FOCAD: variants seen among roughly 807,000 people sequenced by gnomAD.
The protein encoded by FOCAD is focadhesin.
FOCAD carries 198 observed loss-of-function variants against 225.6 expected under a neutral mutation model. The observed-to-expected ratio is 0.88, with a 90% CI of 0.78 to 0.99. FOCAD has a LOEUF of 0.99. FOCAD is among the 50% of genes least tolerant of loss of function. FOCAD has a pLI of 0.00. For missense variants in FOCAD, 2,713 were observed against 2,123.6 expected (o/e 1.28, Z -5.46); for synonymous variants, 897 against 755.0 (o/e 1.19, Z -3.08).
chr9:20,755,312 A>G (rs1284399591), intron 5 of FOCAD, among the ~76,000 whole-genome samples: 1 of 152,232 alleles, frequency 6.6e-6, no homozygotes, highest in Non-Finnish European at 1.5e-5. Flanking sequence ...GGTCTGAGAT[A>G]CTAAATAAAA....
intron 15 of FOCAD, among the ~76,000 whole-genome samples, chr9:20,837,512 AT>A (rs1826105976): frequency 6.6e-6 from 1 of 152,014 alleles, no homozygotes; most frequent in Non-Finnish European, 1.5e-5. Context: ...AGTGAATAAA[AT>A]ATACTGGTTT....
chr9:20,912,932 A>C lies in FOCAD; in HGVS notation c.2785A>C (p.Lys929Gln). Reference sequence around the variant, plus strand: ...AGAAGAACCTGAGGAGGTGCAGTACAAAAAAAGCACAGCCTGGCTCTGGTA... The same window carrying C: ...AGAAGAACCTGAGGAGGTGCAGTACCAAAAAAGCACAGCCTGGCTCTGGTA... The part of the protein sequence containing the change: ...GKEEPEEVQY[K>Q]KSTAWLWVRD... Residue 929 changes from lysine (K) to glutamine (Q), a missense_variant, in exon 23 of 44, where the codon AAA (lysine) becomes CAA (glutamine). Coordinates refer to ENST00000338382, the MANE Select transcript of FOCAD (RefSeq NM_001375567.1). 2 of 1,611,360 alleles carry C rather than the reference A, an allele frequency of 1.2e-6. No individual in the cohort carries two copies. Among genetic ancestry groups the C allele is most frequent in the East Asian group, 2.2e-5 (1 of 44,798 alleles).
rs781616821 is a variant in FOCAD at position 20,885,092 on chromosome 9, T to G, written c.2504-17T>G. ...AAAAATAAAAATAAAATAAAGTCTATATAATTTTTTTTAAAGGTGGTATGT... is the reference window on the plus strand; with the variant it reads ...AAAAATAAAAATAAAATAAAGTCTAGATAATTTTTTTTAAAGGTGGTATGT... On this transcript the variant is annotated splice_polypyrimidine_tract_variant and intron_variant, in intron 20 of 43. Transcript: ENST00000338382. 7.4e-7 allele frequency: 1 copy of G among 1,349,018 alleles called. No homozygotes were observed. Among genetic ancestry groups the G allele is most frequent in the Non-Finnish European group, 9.8e-7 (1 of 1,023,532 alleles). The allele number at this position is 1,349,018 out of a possible 1,614,324, so 83.6% of individuals were successfully genotyped here.
chr9:20,857,538 G>T (rs953559498), intron 15 of FOCAD, among the ~76,000 whole-genome samples: 2 of 151,782 alleles, frequency 1.3e-5, no homozygotes, highest in African/African-American at 4.8e-5. Flanking sequence ...CATTTGGAAA[G>T]AAAAATAATT....
At position 20,899,619 on chromosome 9, in the gene FOCAD, C is replaced by T. The variant is rs368393023; in HGVS notation, c.2626-7531C>T. ...CCTTACAGGCTGGACTAGAAACCTT[C>T]GCTTTCCATATTTTGAAATGTATTT... is the stretch of plus-strand genomic sequence containing the variant. On this transcript the variant is annotated intron_variant, in intron 21 of 43. Transcript: ENST00000338382. Among the ~76,000 whole-genome samples, 6 of 151,994 alleles carry T rather than the reference C, an allele frequency of 3.9e-5. No individual in the cohort carries two copies. The East Asian group carries it at 1.2e-3, about 30-fold the overall frequency.
intron 1 of FOCAD, among the ~76,000 whole-genome samples, chr9:20,686,618 A>G (rs1822682718): frequency 6.6e-6 from 1 of 152,240 alleles, no homozygotes; most frequent in Non-Finnish European, 1.5e-5. Flanking sequence ...CTTGATGTAT[A>G]ACAAAGAACT....
intron 10 of FOCAD, among the ~76,000 whole-genome samples, chr9:20,783,739 A>G (rs1819636306): frequency 6.6e-6 from 1 of 152,152 alleles, no homozygotes; most frequent in African/African-American, 2.4e-5. Flanking sequence ...AAAAAATTGA[A>G]CACTAATTGT....
chr9:20,666,492 C>T (rs2131268446), intron 2 of FOCAD, among the ~76,000 whole-genome samples: 1 of 152,200 alleles, frequency 6.6e-6, no homozygotes, highest in South Asian at 2.1e-4. Context: ...ATCAATTGAG[C>T]CCAGGAGGCA....
chr9:20,678,317 A>G (rs1396766433), intron 2 of FOCAD, among the ~76,000 whole-genome samples: 1 of 152,180 alleles, frequency 6.6e-6, no homozygotes. Context: ...CTTATTGCCC[A>G]AGCTGACCTT....
chr9:20,876,688 A>G (rs1481785238), intron 19 of FOCAD, among the ~76,000 whole-genome samples: 1 of 152,186 alleles, frequency 6.6e-6, no homozygotes, highest in East Asian at 1.9e-4. Flanking sequence ...GTTGATTATT[A>G]GAGAAGTATA....
At chr9:20,867,045 T>G in intron 18 of FOCAD, 33 bp downstream of exon 18, 1 of 1,427,260 alleles carries the variant, frequency 7.0e-7, no homozygotes, top group Non-Finnish European at 9.7e-7. Context: ...TGGTATTTCT[T>G]AATTTGCTAG....
At chr9:20,822,024 G>C (rs1018701768) in intron 14 of FOCAD, among the ~76,000 whole-genome samples, 2 of 115,350 alleles carry the variant, frequency 1.7e-5, no homozygotes, top group Admixed American at 9.0e-5. Context: ...AAAAAAAAAA[G>C]GAGTTACATG....
chr9:20,803,384 A>G (rs1259572621), intron 11 of FOCAD, among the ~76,000 whole-genome samples: 1 of 152,098 alleles, frequency 6.6e-6, no homozygotes, highest in Admixed American at 6.6e-5. Flanking sequence ...GGACAAATGG[A>G]TACAGTGAAT....
intron 15 of FOCAD, among the ~76,000 whole-genome samples, chr9:20,861,713 G>A (rs1828788579): frequency 6.6e-6 from 1 of 152,098 alleles, no homozygotes; most frequent in African/African-American, 2.4e-5. Context: ...TAAATTGTAT[G>A]TGTTAATTAC....
chr9:20,936,128 C>T (rs868717192), intron 28 of FOCAD, among the ~76,000 whole-genome samples: 4 of 152,118 alleles, frequency 2.6e-5, no homozygotes, highest in African/African-American at 4.8e-5. Flanking sequence ...GACTTCCATG[C>T]GTTTTGGAAC....
chr9:20,775,147 C>A (rs930137896), intron 8 of FOCAD, among the ~76,000 whole-genome samples: 1 of 152,100 alleles, frequency 6.6e-6, no homozygotes, highest in African/African-American at 2.4e-5. Context: ...AGCGTTGTAT[C>A]ATTGTACATT....
chr9:20,958,914 C>G (rs566024721), intron 35 of FOCAD, among the ~76,000 whole-genome samples: 2 of 152,112 alleles, frequency 1.3e-5, no homozygotes, highest in South Asian at 4.2e-4. Context: ...GGATATATAC[C>G]AAATTTTAAA....
At chr9:20,818,241 G>T (rs748237953) in intron 11 of FOCAD, among the ~76,000 whole-genome samples, 1 of 151,808 alleles carries the variant, frequency 6.6e-6, no homozygotes, top group Non-Finnish European at 1.5e-5. Flanking sequence ...TAAATTATTG[G>T]GTTTTAAGAG....
intron 19 of FOCAD, among the ~76,000 whole-genome samples, chr9:20,881,104 C>T (rs1830632412): frequency 6.6e-6 from 1 of 152,090 alleles, no homozygotes. Context: ...AAATAATTGT[C>T]CTAATATTGC....
Sources: allele counts gnomAD v4.1 joint callset (sites outside exome capture counted in the v4.1 genomes callset), GRCh38; gene constraint gnomAD v4.1.1; transcripts MANE v1.5; gene names NCBI Gene and HGNC (gene_info 2026-07-23, HGNC 2026-07-21).